The following IGFBP1 variants were observed in gnomAD, a reference collection of about 807,000 sequenced individuals.
IGFBP1 encodes insulin-like growth factor-binding protein 1.
A neutral mutation model predicts 23.1 loss-of-function variants in IGFBP1; 31 were observed. That is an observed-to-expected ratio of 1.34 (90% confidence interval 1.01 to 1.81). The LOEUF is 1.81. IGFBP1 is among the 40% of genes most tolerant of loss of function. The pLI, the probability that IGFBP1 is intolerant of heterozygous loss-of-function variation, is 0.00. For missense variants in IGFBP1, 333 were observed against 342.2 expected (o/e 0.97, Z 0.21); for synonymous variants, 148 against 145.5 (o/e 1.02, Z -0.13).
intron 1 of IGFBP1, 57 bp downstream of exon 1, chr7:45,889,058 C>A: frequency 7.6e-7 from 1 of 1,309,658 alleles, no homozygotes; most frequent in Non-Finnish European, 1.0e-6. Flanking sequence ...CGCCCGGCAC[C>A]TCCCGCCCCC....
At chr7:45,890,463 T>G in intron 1 of IGFBP1, 85 bp from the exon 2 acceptor site, 1 of 1,434,214 alleles carries the variant, frequency 7.0e-7, no homozygotes, top group African/African-American at 1.4e-5. Flanking sequence ...AGCCTGGTTT[T>G]GAGGGAAGGA....
chr7:45,889,635 G>A (rs1380328809), intron 1 of IGFBP1, among the ~76,000 whole-genome samples: 1 of 152,202 alleles, frequency 6.6e-6, no homozygotes. Flanking sequence ...ATGACAATCA[G>A]GTTCTTTCCT....
chr7:45,890,945 G>A (rs1787069837), intron 2 of IGFBP1, among the ~76,000 whole-genome samples: 2 of 152,168 alleles, frequency 1.3e-5, no homozygotes, highest in Non-Finnish European at 2.9e-5. Flanking sequence ...AGTTCCGGAC[G>A]ATAGGTTACT....
chr7:45,888,859 C>T lies in IGFBP1; in HGVS notation c.207C>T (p.Ala69=). The T allele has an allele frequency of 1.3e-6, 2 of 1,513,162 alleles. No individual in the cohort carries two copies. Among genetic ancestry groups the T allele is most frequent in the Non-Finnish European group, 1.8e-6 (2 of 1,140,256 alleles). The allele number at this position is 1,513,162 out of a possible 1,614,324, so 93.7% of individuals were successfully genotyped here. A position where few individuals can be genotyped will look rare whatever the true frequency, so the allele number is the denominator to read the frequency against. The stretch of plus-strand genomic sequence containing the variant: ...CGATGTGCGCCCTGCCTCTGGGCGC[C>T]GCGTGCGGCGTGGCGACTGCACGCT... The part of the protein sequence containing the change: ...CCPMCALPLG[A]ACGVATARCA... The change falls in exon 1 of 4, where the codon GCC becomes GCT. Residue 69 remains alanine, a synonymous_variant. Coordinates refer to ENST00000275525, the MANE Select transcript of IGFBP1 (RefSeq NM_000596.4).
At position 45,888,878 on chromosome 7, in the gene IGFBP1, G is replaced by T. The variant is rs1341463387; in HGVS notation, c.226G>T (p.Ala76Ser). The T allele has an allele frequency of 1.0e-5, 15 of 1,505,932 alleles. No individual in the cohort carries two copies. The highest frequency in any genetic ancestry group is 1.2e-5 in the Non-Finnish European group (14 of 1,137,864). The allele number at this position is 1,505,932 out of a possible 1,614,324, so 93.3% of individuals were successfully genotyped here. The change falls in exon 1 of 4, where the codon GCA becomes TCA. Residue 76 changes from alanine to serine, a missense_variant. Transcript: ENST00000275525. ...PLGAACGVAT[A>S]RCARGLSCRA... ...GGGCGCCGCGTGCGGCGTGGCGACT[G>T]CACGCTGCGCCCGGGGACTCAGTTG...
chr7:45,892,704 C>T (rs534086196), intron 3 of IGFBP1, among the ~76,000 whole-genome samples: 148 of 152,316 alleles, frequency 9.7e-4, no homozygotes, highest in African/African-American at 3.4e-3. Context: ...ATGAAGCAGA[C>T]AGCTGTGCAC....
rs755900621 is a variant in IGFBP1, at chr7:45,890,631, G to T, written c.433G>T (p.Glu145Ter). 1 of 1,613,984 alleles carries T rather than the reference G, an allele frequency of 6.2e-7. No individual in the cohort carries two copies. Among genetic ancestry groups the T allele is most frequent in the Non-Finnish European group, 8.5e-7 (1 of 1,179,938 alleles). The change falls in exon 2 of 4, where the codon GAA (glutamate) becomes TAA (stop). Residue 145 changes from glutamate (E) to a stop codon, truncating the protein, a stop_gained. Coordinates refer to ENST00000275525, the MANE Select transcript of IGFBP1 (RefSeq NM_000596.4). LOFTEE classifies it high-confidence loss of function. Reference protein sequence around the residue: ...LDNFHLMAPSEEDHSILWDAI... With the variant: ...LDNFHLMAPS ...TAATTTCCATCTGATGGCCCCTTCT[G>T]AAGAGGATCATTCCATCCTTTGGGA...
In IGFBP1 at chr7:45,893,192, A is replaced by G. The variant is rs930394005; in HGVS notation, c.*101A>G. ...TATATATATATGTATATGTATATAT[A>G]TATAGTAACTACTTTTTATACTCCA... On this transcript the variant is annotated 3_prime_UTR_variant, in exon 4 of 4. Transcript: ENST00000275525. 1.9e-5 allele frequency: 10 copies of G among 513,612 alleles called. 1 individual carries two copies. The highest frequency in any genetic ancestry group is 2.6e-5 in the Non-Finnish European group (9 of 344,992). The allele number at this position is 513,612 out of a possible 1,614,324, so 31.8% of individuals were successfully genotyped here. A position where few individuals can be genotyped will look rare whatever the true frequency, so the allele number is the denominator to read the frequency against.
Position 45,890,694 on chromosome 7 carries a change from G to A in IGFBP1, c.496G>A (p.Val166Ile), listed in dbSNP as rs1205490817. 1.2e-6 allele frequency: 2 copies of A among 1,605,918 alleles called. No homozygotes were observed. Among genetic ancestry groups the A allele is most frequent in the African/African-American group, 2.7e-5 (2 of 74,308 alleles). ...CTATGATGGCTCGAAGGCTCTCCAT[G>A]TCACCAACATCAAAAAATGGAAGGT... is the stretch of plus-strand genomic sequence containing the variant. ...STYDGSKALHVTNIKKWKEPC... is the reference protein window; with the variant it reads ...STYDGSKALHITNIKKWKEPC... Residue 166 changes from valine to isoleucine, a missense_variant, in exon 2 of 4, where the codon GTC becomes ATC. Coordinates refer to ENST00000275525, the MANE Select transcript of IGFBP1 (RefSeq NM_000596.4).
intron 2 of IGFBP1, 24 bp downstream of exon 2, chr7:45,890,741 G>T: frequency 6.3e-7 from 1 of 1,578,760 alleles, no homozygotes; most frequent in South Asian, 1.2e-5. Context: ...GGTGGGTGGT[G>T]GGAACTCTCC....
chr7:45,888,539 C>A lies in IGFBP1; in HGVS notation c.-114C>A. On this transcript the variant is annotated 5_prime_UTR_variant, in exon 1 of 4. Coordinates refer to ENST00000275525, the MANE Select transcript of IGFBP1 (RefSeq NM_000596.4). ...AGCATCTGCCGCCGCGCCGCCGCCACCCTCCCAGAGAGCACTGGCCACCGC... is the reference window on the plus strand; with the variant it reads ...AGCATCTGCCGCCGCGCCGCCGCCAACCTCCCAGAGAGCACTGGCCACCGC... 1 of 881,064 alleles carries A rather than the reference C, an allele frequency of 1.1e-6. No homozygotes were observed. The highest frequency in any genetic ancestry group is 1.7e-6 in the Non-Finnish European group (1 of 577,790). The allele number at this position is 881,064 out of a possible 1,614,324, so 54.6% of individuals were successfully genotyped here.
At chr7:45,890,468 G>C (rs1787060270) in intron 1 of IGFBP1, 80 bp from the exon 2 acceptor site, 1 of 1,459,064 alleles carries the variant, frequency 6.9e-7, no homozygotes, top group African/African-American at 1.4e-5. Flanking sequence ...GGTTTTGAGG[G>C]AAGGAAGTGA....
At chr7:45,889,613 C>T (rs1353518304) in intron 1 of IGFBP1, among the ~76,000 whole-genome samples, 1 of 152,178 alleles carries the variant, frequency 6.6e-6, no homozygotes, top group African/African-American at 2.4e-5. Context: ...GTGTATGTTG[C>T]CCCCTAAGAA....
intron 2 of IGFBP1, among the ~76,000 whole-genome samples, chr7:45,891,586 A>G (rs1323021327): frequency 1.3e-5 from 2 of 152,228 alleles, no homozygotes; most frequent in Non-Finnish European, 2.9e-5. Context: ...TTCTAACCAG[A>G]TGGCGGGTGC....
In IGFBP1 at chr7:45,889,057, C is replaced by A. The variant is rs1787035111; in HGVS notation, c.349+56C>A. ...TCCTGCCGCCCGCCCCCGCCCGGCA[C>A]CTCCCGCCCCCACTCCCCTAACTAC... On this transcript the variant is annotated intron_variant, in intron 1 of 3. Coordinates refer to ENST00000275525, the MANE Select transcript of IGFBP1 (RefSeq NM_000596.4). 16 of 1,303,602 alleles carry A rather than the reference C, an allele frequency of 1.2e-5. No homozygotes were observed. The South Asian group carries it at 1.7e-4, about 14-fold the overall frequency. 80.8% of individuals were successfully genotyped at this position (1,303,602 alleles called of 1,614,324 possible). A position where few individuals can be genotyped will look rare whatever the true frequency, so the allele number is the denominator to read the frequency against.
Position 45,888,887 on chromosome 7 carries a change from G to T in IGFBP1, c.235G>T (p.Ala79Ser). ...GTGCGGCGTGGCGACTGCACGCTGC[G>T]CCCGGGGACTCAGTTGCCGCGCGCT... ...AACGVATARCARGLSCRALPG... is the reference protein window; with the variant it reads ...AACGVATARCSRGLSCRALPG... Residue 79 changes from alanine (A) to serine (S), a missense_variant, in exon 1 of 4, where the codon GCC becomes TCC. Transcript: ENST00000275525. 1.3e-6 allele frequency: 2 copies of T among 1,502,224 alleles called. No individual in the cohort carries two copies. Among genetic ancestry groups the T allele is most frequent in the Non-Finnish European group, 8.8e-7 (1 of 1,136,566 alleles). The allele number at this position is 1,502,224 out of a possible 1,614,324, so 93.1% of individuals were successfully genotyped here.
At chr7:45,892,114 A>C (rs1787089618) in intron 3 of IGFBP1, 54 bp downstream of exon 3, 29 of 1,587,360 alleles carry the variant, frequency 1.8e-5, no homozygotes, top group Non-Finnish European at 2.4e-5. Flanking sequence ...ACTGCCCTAC[A>C]TTCCTGCCAA....
intron 1 of IGFBP1, 142 bp downstream of exon 1, chr7:45,889,143 T>C: frequency 1.6e-6 from 1 of 644,844 alleles, no homozygotes; most frequent in Non-Finnish European, 2.5e-6. Flanking sequence ...CCAGAGCACG[T>C]AGTTGGGGAA....
chr7:45,892,925 A>C, intron 3 of IGFBP1, 35 bp from the exon 4 acceptor site: 2 of 1,600,626 alleles, frequency 1.2e-6, no homozygotes, highest in Non-Finnish European at 8.5e-7. Flanking sequence ...TCAGCTTGTC[A>C]TCTGCTGCTC....
Sources: allele counts gnomAD v4.1 joint callset (sites outside exome capture counted in the v4.1 genomes callset), GRCh38; gene constraint gnomAD v4.1.1; transcripts MANE v1.5; gene names NCBI Gene and HGNC (gene_info 2026-07-23, HGNC 2026-07-21).